The following SLC25A26 variants were observed in gnomAD, a reference collection of about 807,000 sequenced individuals.
The protein encoded by SLC25A26 is mitochondrial S-adenosylmethionine carrier protein.
SLC25A26 carries 36 observed loss-of-function variants against 37.8 expected under a neutral mutation model. The ratio of observed to expected loss-of-function variants is 0.95; its 90% CI spans 0.73 to 1.26. The LOEUF is 1.26. SLC25A26 is among the 50% of genes most tolerant of loss of function. The pLI is 0.00. For synonymous variants in SLC25A26, 129 were observed against 122.5 expected (o/e 1.05, Z -0.35); for missense variants, 390 against 331.1 (o/e 1.18, Z -1.38).
At chr3:66,327,356 C>T (rs1254705301) in intron 5 of SLC25A26, among the ~76,000 whole-genome samples, 1 of 152,088 alleles carries the variant, frequency 6.6e-6, no homozygotes, top group Non-Finnish European at 1.5e-5. Flanking sequence ...TGGTTTGACT[C>T]CAGGATAAAA....
intron 5 of SLC25A26, among the ~76,000 whole-genome samples, chr3:66,280,297 G>A (rs572714829): frequency 2.0e-5 from 3 of 152,214 alleles, no homozygotes; most frequent in African/African-American, 7.2e-5. Flanking sequence ...GCCAGATGAG[G>A]TACTTTTCAT....
chr3:66,140,143 T>G (rs2070012188), intron 1 of SLC25A26, among the ~76,000 whole-genome samples: 1 of 152,228 alleles, frequency 6.6e-6, no homozygotes, highest in African/African-American at 2.4e-5. Context: ...CTCTCATTAC[T>G]GGTGTTCAGA....
At chr3:66,248,858 G>C (rs955756839) in intron 3 of SLC25A26, among the ~76,000 whole-genome samples, 2 of 152,202 alleles carry the variant, frequency 1.3e-5, no homozygotes, top group African/African-American at 4.8e-5. Flanking sequence ...TAGGTAGCTA[G>C]TTACAAATGG....
chr3:66,288,841 C>T (rs561519422), intron 5 of SLC25A26, among the ~76,000 whole-genome samples: 1 of 152,260 alleles, frequency 6.6e-6, no homozygotes, highest in East Asian at 1.9e-4. Context: ...GGTATATACC[C>T]AGTAATGAGA....
At chr3:66,253,069 G>A (rs2073153770) in intron 3 of SLC25A26, among the ~76,000 whole-genome samples, 1 of 133,588 alleles carries the variant, frequency 7.5e-6, no homozygotes, top group Non-Finnish European at 1.6e-5. Context: ...ATCTCTGAAT[G>A]TGTTTCTTCA....
chr3:66,226,948 A>G (rs1373004802), intron 1 of SLC25A26, among the ~76,000 whole-genome samples: 1 of 151,866 alleles, frequency 6.6e-6, no homozygotes, highest in Non-Finnish European at 1.5e-5. Flanking sequence ...CATTAGAAAC[A>G]TTAATAACTT....
intron 1 of SLC25A26, among the ~76,000 whole-genome samples, chr3:66,180,522 C>A (rs2070682595): frequency 6.6e-6 from 1 of 152,180 alleles, no homozygotes; most frequent in Non-Finnish European, 1.5e-5. Context: ...CTTCAGAATG[C>A]TCTTGAGCAG....
intron 5 of SLC25A26, among the ~76,000 whole-genome samples, chr3:66,339,040 T>C (rs1288372487): frequency 6.6e-6 from 1 of 152,020 alleles, no homozygotes. Context: ...GGGATGCAAG[T>C]GTCTGTTTGA....
intron 1 of SLC25A26, among the ~76,000 whole-genome samples, chr3:66,166,554 T>G (rs1483237176): frequency 6.6e-6 from 1 of 152,260 alleles, no homozygotes; most frequent in Non-Finnish European, 1.5e-5. Flanking sequence ...GAAGGCTTAA[T>G]CTTCGGGTAG....
chr3:66,356,895 G>T (rs1312452694), intron 6 of SLC25A26, among the ~76,000 whole-genome samples: 1 of 152,004 alleles, frequency 6.6e-6, no homozygotes, highest in Non-Finnish European at 1.5e-5. Flanking sequence ...TCCAGCAAGT[G>T]CTAGGATTAT....
At chr3:66,187,509 C>A (rs1162453425) in intron 1 of SLC25A26, among the ~76,000 whole-genome samples, 1 of 152,080 alleles carries the variant, frequency 6.6e-6, no homozygotes, top group Non-Finnish European at 1.5e-5. Flanking sequence ...TAGTGACTCA[C>A]ACAAAGACCC....
chr3:66,324,499 G>A (rs2075785106), intron 5 of SLC25A26, among the ~76,000 whole-genome samples: 1 of 152,088 alleles, frequency 6.6e-6, no homozygotes, highest in Non-Finnish European at 1.5e-5. Flanking sequence ...TGTGGCCTCT[G>A]GCTGCATGAT....
In SLC25A26 at chr3:66,243,311, T is replaced by C. The variant is rs945132435; in HGVS notation, c.299T>C (p.Val100Ala). 6.4e-7 allele frequency: 1 copy of C among 1,551,510 alleles called. No homozygotes were observed. Among genetic ancestry groups the C allele is most frequent in the South Asian group, 1.1e-5 (1 of 87,502 alleles). The change falls in exon 3 of 10, where the codon GTG becomes GCG. Residue 100 changes from valine to alanine, a missense_variant and splice_region_variant. Coordinates refer to ENST00000354883, the MANE Select transcript of SLC25A26 (RefSeq NM_001379210.1). The part of the protein sequence containing the change: ...KHMLAASAGE[V>A]VACLIRVPSE... ...ATGTTGGCTGCCTCTGCTGGAGAAG[T>C]GGTAAGTAACAAGTTTTGTGTATAA...
intron 5 of SLC25A26, among the ~76,000 whole-genome samples, chr3:66,277,934 TAAAG>T (rs1021913651): frequency 1.3e-5 from 2 of 151,958 alleles, no homozygotes; most frequent in African/African-American, 2.4e-5. Context: ...AAAGTTATGA[TAAAG>T]AAAGATGAAA....
rs34944870 is a variant in SLC25A26, at chr3:66,346,715, CGT to C, written c.498+352_498+353del. On this transcript the variant is annotated intron_variant, in intron 6 of 9. Coordinates refer to ENST00000354883, the MANE Select transcript of SLC25A26 (RefSeq NM_001379210.1). ...CCGTTAAATTTCATTTTGCTGTGTG[CGT>C]GTGTGTGTGTGTGTGTGTGTGTGTG... Among the ~76,000 whole-genome samples, 42,396 of 138,478 alleles carry C rather than the reference CGT, an allele frequency of 0.31. 6,201 individuals carry two copies. Among genetic ancestry groups the C allele is most frequent in the Middle Eastern group, 0.4 (104 of 260 alleles). 90.8% of individuals were successfully genotyped at this position (138,478 alleles called of 152,430 possible). A position where few individuals can be genotyped will look rare whatever the true frequency, so the allele number is the denominator to read the frequency against.
chr3:66,281,419 A>C (rs1289841975), intron 5 of SLC25A26, among the ~76,000 whole-genome samples: 2 of 152,190 alleles, frequency 1.3e-5, no homozygotes, highest in African/African-American at 2.4e-5. Flanking sequence ...TCTTGTCTGA[A>C]GCATTTGTTA....
At chr3:66,368,497 G>T (rs552700987) in intron 7 of SLC25A26, among the ~76,000 whole-genome samples, 1 of 152,304 alleles carries the variant, frequency 6.6e-6, no homozygotes, top group South Asian at 2.1e-4. Flanking sequence ...TGTGGAATGT[G>T]TGCTGAAGCG....
At chr3:66,248,701 G>C (rs2072956382) in intron 3 of SLC25A26, among the ~76,000 whole-genome samples, 1 of 152,156 alleles carries the variant, frequency 6.6e-6, no homozygotes, top group African/African-American at 2.4e-5. Flanking sequence ...CTTTTCAAGT[G>C]TCCTTTATGG....
At chr3:66,257,987 G>C (rs1331918514) in intron 3 of SLC25A26, among the ~76,000 whole-genome samples, 2 of 152,158 alleles carry the variant, frequency 1.3e-5, no homozygotes, top group Non-Finnish European at 2.9e-5. Flanking sequence ...TAGGGTGCTT[G>C]GTTGCTTGCC....
Sources: allele counts gnomAD v4.1 joint callset (sites outside exome capture counted in the v4.1 genomes callset), GRCh38; gene constraint gnomAD v4.1.1; transcripts MANE v1.5; gene names NCBI Gene and HGNC (gene_info 2026-07-23, HGNC 2026-07-21).